The following CTNNA3 variants were observed in gnomAD, a reference collection of about 807,000 sequenced individuals.
CTNNA3 encodes catenin alpha-3.
CTNNA3 carries 76 observed loss-of-function variants against 95.7 expected under a neutral mutation model. That is an observed-to-expected ratio of 0.79 (90% CI 0.66 to 0.96). The LOEUF is 0.96. Ranked by LOEUF, CTNNA3 falls within the 40% of genes least tolerant of loss-of-function variation. CTNNA3 has a pLI of 0.00. For missense variants in CTNNA3, 1,191 were observed against 1,089.8 expected (o/e 1.09, Z -1.31); for synonymous variants, 431 against 374.4 (o/e 1.15, Z -1.74).
chr10:66,889,375 C>A (rs748615151), intron 7 of CTNNA3, among the ~76,000 whole-genome samples: 1 of 152,114 alleles, frequency 6.6e-6, no homozygotes, highest in Non-Finnish European at 1.5e-5. Flanking sequence ...AAACTGTGGG[C>A]TCTGGGTGAT....
chr10:66,473,464 T>C (rs996799098), intron 11 of CTNNA3, among the ~76,000 whole-genome samples: 1 of 152,002 alleles, frequency 6.6e-6, no homozygotes, highest in Non-Finnish European at 1.5e-5. Flanking sequence ...TGTGAAACTG[T>C]GAGTCAATTA....
chr10:66,140,632 C>T (rs953011571), intron 13 of CTNNA3, among the ~76,000 whole-genome samples: 1 of 152,184 alleles, frequency 6.6e-6, no homozygotes, highest in Non-Finnish European at 1.5e-5. Flanking sequence ...TGTTGAACAA[C>T]ATACCTGAAT....
At chr10:67,513,814 A>G (rs1481383344) in intron 5 of CTNNA3, among the ~76,000 whole-genome samples, 1 of 152,190 alleles carries the variant, frequency 6.6e-6, no homozygotes, top group Non-Finnish European at 1.5e-5. Context: ...AAACAGGAAA[A>G]GAATGCTTTT....
intron 9 of CTNNA3, among the ~76,000 whole-genome samples, chr10:66,689,480 T>C (rs1008139087): frequency 6.6e-6 from 1 of 152,162 alleles, no homozygotes; most frequent in African/African-American, 2.4e-5. Context: ...AAACAAACTT[T>C]TGGAACAATC....
intron 13 of CTNNA3, among the ~76,000 whole-genome samples, chr10:66,140,915 G>C (rs2083582361): frequency 6.6e-6 from 1 of 152,106 alleles, no homozygotes; most frequent in African/African-American, 2.4e-5. Flanking sequence ...GATGATACTT[G>C]AGGAGAAGCA....
chr10:66,985,399 A>G (rs1481542753), intron 7 of CTNNA3, among the ~76,000 whole-genome samples: 1 of 152,174 alleles, frequency 6.6e-6, no homozygotes, highest in Non-Finnish European at 1.5e-5. Flanking sequence ...ATATAGGGGA[A>G]GGGTGCCCAA....
chr10:67,035,766 T>C (rs774330974), intron 7 of CTNNA3, among the ~76,000 whole-genome samples: 6 of 146,194 alleles, frequency 4.1e-5, no homozygotes, highest in Non-Finnish European at 9.0e-5. Context: ...AGCTTTAATG[T>C]TATTCTTATA....
chr10:66,801,450 A>G (rs1478589450), intron 7 of CTNNA3, among the ~76,000 whole-genome samples: 1 of 151,572 alleles, frequency 6.6e-6, no homozygotes, highest in Non-Finnish European at 1.5e-5. Context: ...ATTAAATTAT[A>G]TTTTTATACA....
At chr10:66,410,033 A>G (rs1175737909) in intron 11 of CTNNA3, among the ~76,000 whole-genome samples, 3 of 152,342 alleles carry the variant, frequency 2.0e-5, no homozygotes, top group Middle Eastern at 3.4e-3. Flanking sequence ...CTGATTAAGT[A>G]ATCTGTGCTA....
chr10:67,424,911 A>G (rs573742984), intron 5 of CTNNA3, among the ~76,000 whole-genome samples: 1 of 152,226 alleles, frequency 6.6e-6, no homozygotes, highest in South Asian at 2.1e-4. Context: ...TCTTTTGAAA[A>G]TACTCAAAAA....
intron 5 of CTNNA3, among the ~76,000 whole-genome samples, chr10:67,394,025 A>C (rs1326820790): frequency 6.6e-6 from 1 of 152,152 alleles, no homozygotes; most frequent in Non-Finnish European, 1.5e-5. Flanking sequence ...AAAGGATATA[A>C]AAATGGTAGT....
At chr10:66,371,273 C>T (rs1037330077) in intron 12 of CTNNA3, among the ~76,000 whole-genome samples, 15 of 152,008 alleles carry the variant, frequency 9.9e-5, no homozygotes, top group African/African-American at 3.6e-4. Context: ...TTTTTGAAAA[C>T]CTGCATAGAC....
chr10:66,320,484 A>T (rs572866609), intron 12 of CTNNA3, among the ~76,000 whole-genome samples: 1 of 152,188 alleles, frequency 6.6e-6, no homozygotes, highest in African/African-American at 2.4e-5. Flanking sequence ...AATCTTACAA[A>T]TTCTTGCCTT....
intron 13 of CTNNA3, among the ~76,000 whole-genome samples, chr10:66,251,870 C>T (rs2090566940): frequency 6.6e-6 from 1 of 152,170 alleles, no homozygotes; most frequent in South Asian, 2.1e-4. Flanking sequence ...TTATCATCCC[C>T]ATTTTGCAAA....
chr10:67,095,154 A>G (rs921138167), intron 7 of CTNNA3, among the ~76,000 whole-genome samples: 3 of 151,576 alleles, frequency 2.0e-5, no homozygotes, highest in Non-Finnish European at 4.4e-5. Flanking sequence ...GGAAAAATCT[A>G]CTGTGATGCT....
chr10:66,748,753 T>C (rs1838992562), intron 9 of CTNNA3, among the ~76,000 whole-genome samples: 1 of 152,080 alleles, frequency 6.6e-6, no homozygotes, highest in South Asian at 2.1e-4. Context: ...AGAGTTCCCA[T>C]ACACCCCTGT....
chr10:66,415,412 C>T (rs2394212), intron 11 of CTNNA3, among the ~76,000 whole-genome samples: 7,503 of 152,178 alleles, frequency 0.049, 260 homozygotes, highest in East Asian at 0.11. Context: ...TGACAGCATG[C>T]ACCACAAGGG....
chr10:66,743,591 A>T (rs1376396055), intron 9 of CTNNA3, among the ~76,000 whole-genome samples: 1 of 152,110 alleles, frequency 6.6e-6, no homozygotes, highest in Non-Finnish European at 1.5e-5. Flanking sequence ...GGATTGTAAC[A>T]TGTCTGGTGT....
intron 13 of CTNNA3, among the ~76,000 whole-genome samples, chr10:66,231,140 G>C (rs939979829): frequency 6.6e-6 from 1 of 152,122 alleles, no homozygotes; most frequent in African/African-American, 2.4e-5. Flanking sequence ...ACTTGACTCA[G>C]CTCCTGCAAT....
Sources: gnomAD v4.1 joint callset for allele counts (sites outside exome capture counted in the v4.1 genomes callset) on GRCh38, gnomAD v4.1.1 for gene constraint, MANE v1.5 for transcripts, NCBI Gene and HGNC (gene_info 2026-07-23, HGNC 2026-07-21) for gene names.